Variants in MAP3K9 observed in about 807,000 individuals in gnomAD.
MAP3K9 encodes mixed lineage kinase 1 (tyr and ser/thr specificity).
Under a neutral mutation model 95.8 loss-of-function variants are expected in MAP3K9, and 46 were observed. The ratio of observed to expected loss-of-function variants is 0.48; its 90% CI spans 0.38 to 0.61. MAP3K9 has a LOEUF of 0.61. MAP3K9 is among the 20% of genes least tolerant of loss of function. The pLI is 0.00. For synonymous variants in MAP3K9, 533 were observed against 593.8 expected (o/e 0.90, Z 1.49); for missense variants, 1,296 against 1,474.3 (o/e 0.88, Z 1.98).
rs1454048742 is a variant in MAP3K9, at chr14:70,732,903, C to G, written c.2466G>C (p.Met822Ile). ...SRKLFKKEEP[M>I]LLLGDPSASL... is the part of the protein sequence containing the mutation. ...AGGCAGAGGGGTCTCCTAGCAACAG[C>G]ATGGGCTCCTCCTTCTTGAAAAGCT... The change falls in exon 11 of 12, where the codon ATG becomes ATC. Residue 822 changes from methionine (M) to isoleucine (I), a missense_variant. By Grantham distance (10) the Met-to-Ile change is conservative. Coordinates refer to ENST00000554752, the MANE Select transcript of MAP3K9 (RefSeq NM_001284230.2). 9.3e-6 allele frequency: 15 copies of G among 1,613,816 alleles called. No individual in the cohort carries two copies. Among genetic ancestry groups the G allele is most frequent in the African/African-American group, 1.3e-5 (1 of 74,910 alleles).
chr14:70,760,141 G>GCACACACACA (rs60112409), intron 3 of MAP3K9, among the ~76,000 whole-genome samples: 4,012 of 147,722 alleles, frequency 0.027, 52 homozygotes, highest in East Asian at 0.051. Flanking sequence ...AAATAAACGT[G>GCACACACACA]CACACACACA....
chr14:70,734,480 A>C lies in MAP3K9; in HGVS notation c.1932T>G (p.Asp644Glu). ...CACTGGACGACCACTGCTTATATCCATCTACCAGGGACTTGAGGCTGAATC... is the reference window on the plus strand; with the variant it reads ...CACTGGACGACCACTGCTTATATCCCTCTACCAGGGACTTGAGGCTGAATC... Reference protein sequence around the residue: ...HFHLGLKSLVDGYKQWSSSAP... With the variant: ...HFHLGLKSLVEGYKQWSSSAP... The change falls in exon 10 of 12, where the codon GAT becomes GAG. Residue 644 changes from aspartate (D) to glutamate (E), a missense_variant. Around this residue, in one of 5 missense-constraint regions of MAP3K9, gnomAD observed 377 missense variants for 417.1 expected, o/e 0.90. Transcript: ENST00000554752. The C allele has an allele frequency of 6.2e-7, 1 of 1,610,000 alleles. No homozygotes were observed. The highest frequency in any genetic ancestry group is 1.1e-5 in the South Asian group (1 of 90,708).
intron 6 of MAP3K9, 139 bp from the exon 7 acceptor site, chr14:70,740,303 T>C (rs1288607462): frequency 1.1e-5 from 10 of 891,116 alleles, no homozygotes; most frequent in African/African-American, 1.7e-5. Context: ...TGGGAAATGT[T>C]CTCTTTTAGA....
chr14:70,753,862 A>G (rs10873240), intron 3 of MAP3K9, among the ~76,000 whole-genome samples: 78,091 of 151,928 alleles, frequency 0.51, 20,169 homozygotes, highest in South Asian at 0.63. Flanking sequence ...AAAGTGAGGA[A>G]AAGTGGACAG....
intron 2 of MAP3K9, among the ~76,000 whole-genome samples, chr14:70,763,324 A>G (rs1566748200): frequency 6.6e-6 from 1 of 152,238 alleles, no homozygotes; most frequent in Non-Finnish European, 1.5e-5. Flanking sequence ...CCATAAGGTA[A>G]TAATAGGGCT....
At chr14:70,738,162 G>GA in intron 8 of MAP3K9, 83 bp downstream of exon 8, 3 of 1,398,854 alleles carry the variant, frequency 2.1e-6, no homozygotes, top group Non-Finnish European at 2.9e-6. Flanking sequence ...ACACGACAGA[G>GA]AAAAAAAGTT....
chr14:70,738,936 G>C (rs992765620), intron 7 of MAP3K9, among the ~76,000 whole-genome samples: 1 of 152,166 alleles, frequency 6.6e-6, no homozygotes, highest in African/African-American at 2.4e-5. Context: ...CTTGGAGCAA[G>C]GGTTGAGACC....
intron 3 of MAP3K9, among the ~76,000 whole-genome samples, chr14:70,759,574 T>C (rs2054342703): frequency 6.6e-6 from 1 of 152,094 alleles, no homozygotes; most frequent in South Asian, 2.1e-4. Context: ...TTCACTAGAG[T>C]CTCTGGAGGG....
intron 3 of MAP3K9, among the ~76,000 whole-genome samples, chr14:70,756,246 T>C (rs1460327971): frequency 1.3e-5 from 2 of 152,186 alleles, no homozygotes; most frequent in Non-Finnish European, 2.9e-5. Context: ...GGTACTTGGA[T>C]ACATGACACA....
rs78839467 is a variant in MAP3K9 at position 70,768,964 on chromosome 14, T to C, written c.821-7782A>G. Among the ~76,000 whole-genome samples the C allele has an allele frequency of 8.8e-3, 1,347 of 152,298 alleles. 9 individuals are homozygous for C. The highest frequency in any genetic ancestry group is 0.02 in the Middle Eastern group (6 of 294). On this transcript the variant is annotated intron_variant, in intron 2 of 11. Transcript: ENST00000554752. ...AACTCAGCTAATTTGGTTTTGAGGG[T>C]TATGTTTTGTTTTATTTTTTAAAGT...
At chr14:70,786,988 G>A (rs1384530044) in intron 2 of MAP3K9, among the ~76,000 whole-genome samples, 1 of 152,090 alleles carries the variant, frequency 6.6e-6, no homozygotes, top group Non-Finnish European at 1.5e-5. Context: ...CAAATTTTAA[G>A]TGTCCAGATG....
chr14:70,774,216 G>T (rs900556178), intron 2 of MAP3K9, among the ~76,000 whole-genome samples: 1 of 152,216 alleles, frequency 6.6e-6, no homozygotes, highest in Non-Finnish European at 1.5e-5. Context: ...TTCAAATACC[G>T]TGTAAATTAA....
rs548321491 is a variant in MAP3K9, at chr14:70,805,223, A to T, written c.406+3543T>A. Among the ~76,000 whole-genome samples, 38 of 152,346 alleles carry T rather than the reference A, an allele frequency of 2.5e-4. 1 individual carries two copies. The East Asian group carries it at 6.2e-3, about 25-fold the overall frequency. On this transcript the variant is annotated intron_variant, in intron 1 of 11. Coordinates refer to ENST00000554752, the MANE Select transcript of MAP3K9 (RefSeq NM_001284230.2). The stretch of plus-strand genomic sequence containing the variant: ...GGCATATTTTGGTGGGTTTTGAGTA[A>T]GTGAATGTTATATACTTCACTCAAA...
intron 2 of MAP3K9, among the ~76,000 whole-genome samples, chr14:70,773,331 G>A (rs779575457): frequency 6.6e-6 from 1 of 152,192 alleles, no homozygotes; most frequent in Admixed American, 6.5e-5. Context: ...GCAGCAGAAA[G>A]AGAAAACAAA....
In MAP3K9 at chr14:70,730,308, G is replaced by T; in HGVS notation, c.*72C>A. 6.5e-7 allele frequency: 1 copy of T among 1,539,122 alleles called. No homozygotes were observed. ...TGGATCTCAGGGGGTCCAACCCTGA[G>T]AAAGGGCTGTGCCCGCCAGCTCCCC... On this transcript the variant is annotated 3_prime_UTR_variant, in exon 12 of 12. Coordinates refer to ENST00000554752, the MANE Select transcript of MAP3K9 (RefSeq NM_001284230.2).
At chr14:70,744,719 C>T (rs1483669698) in intron 5 of MAP3K9, among the ~76,000 whole-genome samples, 5 of 152,190 alleles carry the variant, frequency 3.3e-5, no homozygotes, top group Non-Finnish European at 2.9e-5. Flanking sequence ...ACAAACTGCT[C>T]AATGAGCACA....
At chr14:70,733,781 A>C (rs1226271907) in intron 10 of MAP3K9, 1 of 718,438 alleles carries the variant, frequency 1.4e-6, no homozygotes, top group East Asian at 2.7e-5. Flanking sequence ...GGCACCACCC[A>C]ACTGGCTGCC....
rs1486244173 is a variant in MAP3K9, at chr14:70,724,715, T to G, written c.*5665A>C. On this transcript the variant is annotated 3_prime_UTR_variant, in exon 12 of 12. Coordinates refer to ENST00000554752, the MANE Select transcript of MAP3K9 (RefSeq NM_001284230.2). ...TCAGGAACAGGCAGCACACTATTTC[T>G]GAAACCTGGCCTTGGACTTCAGTGA... 3 of 152,262 alleles carry G rather than the reference T, an allele frequency of 2.0e-5. No homozygotes were observed. The highest frequency in any genetic ancestry group is 2.9e-5 in the Non-Finnish European group (2 of 68,066). The allele number at this position is 152,262 out of a possible 1,614,324, so 9.4% of individuals were successfully genotyped here.
chr14:70,730,363 C>A lies in MAP3K9; in HGVS notation c.*17G>T, dbSNP rs944786886. 6.3e-7 allele frequency: 1 copy of A among 1,593,546 alleles called. No individual in the cohort carries two copies. Among genetic ancestry groups the A allele is most frequent in the East Asian group, 2.3e-5 (1 of 44,378 alleles). On this transcript the variant is annotated 3_prime_UTR_variant, in exon 12 of 12. Transcript: ENST00000554752. The stretch of plus-strand genomic sequence containing the variant: ...CTCCGCTGGCTGTCCCCCTTGCCCG[C>A]CCCAATCCTTTTCGTGCTAAGACCA...
Sources: allele counts gnomAD v4.1 joint callset (sites outside exome capture counted in the v4.1 genomes callset), GRCh38; gene constraint gnomAD v4.1.1; regional missense constraint gnomAD v4.1.1; transcripts MANE v1.5; gene names NCBI Gene and HGNC (gene_info 2026-07-23, HGNC 2026-07-21).